The following F2R variants were observed in gnomAD, a reference collection of about 807,000 sequenced individuals.
F2R encodes coagulation factor II thrombin receptor.
A neutral mutation model predicts 18.3 loss-of-function variants in F2R; 12 were observed. The ratio of observed to expected loss-of-function variants is 0.66; its 90% CI spans 0.42 to 1.06. The LOEUF (loss-of-function observed/expected upper bound fraction) is 1.06, where lower values mean the gene tolerates loss of function less well. Among genes scored for constraint, F2R ranks in the 50% least tolerant of loss-of-function variants. The probability of loss-of-function intolerance (pLI) is 0.00; values close to 1 mark genes in which losing one functional copy is unlikely to be tolerated. For missense variants in F2R, 438 were observed against 530.8 expected (o/e 0.83, Z 1.72); for synonymous variants, 210 against 219.9 (o/e 0.95, Z 0.40).
intron 1 of F2R, among the ~76,000 whole-genome samples, chr5:76,720,159 G>A: frequency 6.6e-6 from 1 of 152,046 alleles, no homozygotes; most frequent in Non-Finnish European, 1.5e-5. Context: ...AGCATAGCAG[G>A]TTCTCAGGGT....
intron 1 of F2R, among the ~76,000 whole-genome samples, chr5:76,718,341 C>T (rs1196213891): frequency 2.0e-5 from 3 of 152,190 alleles, no homozygotes; most frequent in Non-Finnish European, 2.9e-5. Context: ...TTTCTATTAC[C>T]ACCATGCATT....
At chr5:76,721,797 T>G (rs1404521551) in intron 1 of F2R, among the ~76,000 whole-genome samples, 1 of 149,990 alleles carries the variant, frequency 6.7e-6, no homozygotes, top group Non-Finnish European at 1.5e-5. Flanking sequence ...CAAACAGTGC[T>G]CACCTTTACT....
intron 1 of F2R, among the ~76,000 whole-genome samples, chr5:76,732,008 C>G (rs1209721420): frequency 6.6e-6 from 1 of 152,106 alleles, no homozygotes; most frequent in African/African-American, 2.4e-5. Flanking sequence ...ATGATTGATC[C>G]CTTTATGTCA....
At chr5:76,728,525 T>A (rs1350172461) in intron 1 of F2R, among the ~76,000 whole-genome samples, 1 of 152,136 alleles carries the variant, frequency 6.6e-6, no homozygotes, top group African/African-American at 2.4e-5. Flanking sequence ...ATGACAGAAT[T>A]TCCTTCTTTT....
At chr5:76,720,718 G>A (rs1043149702) in intron 1 of F2R, among the ~76,000 whole-genome samples, 2 of 151,892 alleles carry the variant, frequency 1.3e-5, no homozygotes, top group Admixed American at 1.3e-4. Flanking sequence ...TTTCTCTATG[G>A]ATTTACCTAT....
chr5:76,733,623 G>T lies in F2R; in HGVS notation c.*120G>T, dbSNP rs1748726739. On this transcript the variant is annotated 3_prime_UTR_variant, in exon 2 of 2. Transcript: ENST00000319211. ...TCCTAAAACAACAGATGTACGACTT[G>T]CATACCTGCTTTTTATGGGAGCTGT... 5 of 749,364 alleles carry T rather than the reference G, an allele frequency of 6.7e-6. No individual in the cohort carries two copies. The highest frequency in any genetic ancestry group is 1.1e-5 in the Non-Finnish European group (5 of 475,886). The allele number at this position is 749,364 out of a possible 1,614,324, so 46.4% of individuals were successfully genotyped here.
rs747878235 is a variant in F2R at position 76,735,619 on chromosome 5, C to T, written c.*2116C>T. 3 of 152,088 alleles carry T rather than the reference C, an allele frequency of 2.0e-5. No individual in the cohort carries two copies. Among genetic ancestry groups the T allele is most frequent in the Non-Finnish European group, 2.9e-5 (2 of 68,020 alleles). The allele number at this position is 152,088 out of a possible 1,614,324, so 9.4% of individuals were successfully genotyped here. On this transcript the variant is annotated 3_prime_UTR_variant, in exon 2 of 2. Coordinates refer to ENST00000319211, the MANE Select transcript of F2R (RefSeq NM_001992.5). ...TTAATTTAGTGACTATTCATTTTAT[C>T]TAAATCAGTGAAGATTTACTGTCAT... is the stretch of plus-strand genomic sequence containing the variant.
At chr5:76,718,229 G>A (rs560812316) in intron 1 of F2R, among the ~76,000 whole-genome samples, 1 of 152,288 alleles carries the variant, frequency 6.6e-6, no homozygotes, top group African/African-American at 2.4e-5. Context: ...GGGCAGGGAA[G>A]GGGCAGTCCA....
chr5:76,718,597 G>A (rs529869119), intron 1 of F2R, among the ~76,000 whole-genome samples: 3 of 152,164 alleles, frequency 2.0e-5, no homozygotes, highest in Non-Finnish European at 4.4e-5. Flanking sequence ...TTGTCACTTT[G>A]TGTGTGTGTC....
At chr5:76,727,713 G>C in intron 1 of F2R, among the ~76,000 whole-genome samples, 1 of 147,736 alleles carries the variant, frequency 6.8e-6, no homozygotes, top group Non-Finnish European at 1.5e-5. Flanking sequence ...CCACTTGGTA[G>C]TTCTTTGCTG....
In F2R at chr5:76,733,624, C is replaced by T. The variant is rs1204384642; in HGVS notation, c.*121C>T. 2.7e-6 allele frequency: 2 copies of T among 746,036 alleles called. No individual in the cohort carries two copies. The highest frequency in any genetic ancestry group is 4.2e-6 in the Non-Finnish European group (2 of 472,742). 46.2% of individuals were successfully genotyped at this position (746,036 alleles called of 1,614,324 possible). On this transcript the variant is annotated 3_prime_UTR_variant, in exon 2 of 2. Transcript: ENST00000319211. ...CCTAAAACAACAGATGTACGACTTG[C>T]ATACCTGCTTTTTATGGGAGCTGTC...
Position 76,732,529 on chromosome 5 carries a change from A to G in F2R, c.304A>G (p.Thr102Ala). 6.2e-7 allele frequency: 1 copy of G among 1,614,194 alleles called. No homozygotes were observed. Among genetic ancestry groups the G allele is most frequent in the Non-Finnish European group, 8.5e-7 (1 of 1,180,032 alleles). ...CGGATATTTGACCAGCTCCTGGCTG[A>G]CACTCTTTGTCCCATCTGTGTACAC... Reference protein sequence around the residue: ...ASGYLTSSWLTLFVPSVYTGV... With the variant: ...ASGYLTSSWLALFVPSVYTGV... Residue 102 changes from threonine to alanine, a missense_variant, in exon 2 of 2, where the codon ACA (threonine) becomes GCA (alanine). Physicochemically the swap from Thr to Ala is moderately conservative, Grantham distance 58. Transcript: ENST00000319211.
chr5:76,723,822 C>A (rs1264510479), intron 1 of F2R, among the ~76,000 whole-genome samples: 1 of 152,100 alleles, frequency 6.6e-6, no homozygotes, highest in Non-Finnish European at 1.5e-5. Context: ...CAAAAATGAA[C>A]AGTATAGTTA....
Position 76,733,531 on chromosome 5 carries a change from G to T in F2R, c.*28G>T, listed in dbSNP as rs1263170262. ...AAAGGGACTGCTGGGAGGTTAAAAAGAAAAGTTTATAAAAGTGAATAACCT... is the reference window on the plus strand; with the variant it reads ...AAAGGGACTGCTGGGAGGTTAAAAATAAAAGTTTATAAAAGTGAATAACCT... On this transcript the variant is annotated 3_prime_UTR_variant, in exon 2 of 2. Coordinates refer to ENST00000319211, the MANE Select transcript of F2R (RefSeq NM_001992.5). 1.9e-6 allele frequency: 3 copies of T among 1,549,806 alleles called. No homozygotes were observed. The South Asian group carries it at 3.7e-5, about 19-fold the overall frequency.
At chr5:76,716,508 A>G (rs1398371017) in intron 1 of F2R, 113 bp downstream of exon 1, 2 of 955,610 alleles carry the variant, frequency 2.1e-6, no homozygotes, top group Admixed American at 3.5e-5. Flanking sequence ...CGAAAGCCAA[A>G]CTGGCATTTG....
At chr5:76,732,293 T>G (rs1288901935) in intron 1 of F2R, 21 bp from the exon 2 acceptor site, 3 of 1,549,980 alleles carry the variant, frequency 1.9e-6, no homozygotes, top group Non-Finnish European at 8.7e-7. Flanking sequence ...CATTTAAAAT[T>G]TTTTTAATTT....
At chr5:76,728,271 A>G (rs1394916996) in intron 1 of F2R, among the ~76,000 whole-genome samples, 2 of 152,168 alleles carry the variant, frequency 1.3e-5, no homozygotes, top group Admixed American at 1.3e-4. Context: ...ACCGTATTAT[A>G]CAAGAGATTT....
Position 76,732,685 on chromosome 5 carries a change from G to C in F2R, c.460G>C (p.Val154Leu). Residue 154 changes from valine (V) to leucine (L), a missense_variant, in exon 2 of 2, where the codon GTG becomes CTG. Coordinates refer to ENST00000319211, the MANE Select transcript of F2R (RefSeq NM_001992.5). ...CACGGCAGATGTGCTGTTTGTGTCT[G>C]TGCTCCCCTTTAAGATCAGCTATTA... ...LATADVLFVS[V>L]LPFKISYYFS... 6.2e-7 allele frequency: 1 copy of C among 1,614,198 alleles called. No individual in the cohort carries two copies. The highest frequency in any genetic ancestry group is 8.5e-7 in the Non-Finnish European group (1 of 1,180,026).
At chr5:76,719,110 G>A (rs756780939) in intron 1 of F2R, among the ~76,000 whole-genome samples, 6 of 152,098 alleles carry the variant, frequency 3.9e-5, no homozygotes, top group South Asian at 2.1e-4. Flanking sequence ...TCCCATACCC[G>A]CCACGTTCAT....
Sources: gnomAD v4.1 joint callset for allele counts (sites outside exome capture counted in the v4.1 genomes callset) on GRCh38, gnomAD v4.1.1 for gene constraint, MANE v1.5 for transcripts, NCBI Gene and HGNC (gene_info 2026-07-23, HGNC 2026-07-21) for gene names.